The following PDE2A variants were observed in gnomAD, a reference collection of about 807,000 sequenced individuals.
PDE2A encodes cGMP-dependent 3',5'-cyclic phosphodiesterase.
A neutral mutation model predicts 133.6 loss-of-function variants in PDE2A; 53 were observed. The ratio of observed to expected loss-of-function variants is 0.40; its 90% CI spans 0.32 to 0.50. The LOEUF is 0.50. Ranked by LOEUF, PDE2A falls within the 20% of genes least tolerant of loss-of-function variation. The probability of loss-of-function intolerance (pLI) is 0.73; values close to 1 mark genes in which losing one functional copy is unlikely to be tolerated. For synonymous variants in PDE2A, 491 were observed against 490.2 expected (o/e 1.00, Z -0.02); for missense variants, 796 against 1,232.4 (o/e 0.65, Z 5.30).
At chr11:72,585,022 G>C (rs1591021041) in intron 16 of PDE2A, 78 bp from the exon 17 acceptor site, 2 of 1,450,040 alleles carry the variant, frequency 1.4e-6, no homozygotes, top group East Asian at 2.3e-5. Flanking sequence ...GGAGGCAAAG[G>C]CCGGATTTCC....
chr11:72,580,772 T>G, intron 24 of PDE2A, 114 bp downstream of exon 24: 1 of 943,798 alleles, frequency 1.1e-6, no homozygotes, highest in Non-Finnish European at 1.7e-6. Context: ...CCTCCTCCTG[T>G]GTCTAAACCT....
rs60716742 is a variant in PDE2A at position 72,596,484 on chromosome 11, TCACA to T, written c.489+105_489+108del. On this transcript the variant is annotated intron_variant, in intron 6 of 30. Transcript: ENST00000334456. ...CTCTCTCTCTCTCTCTCTCTCTCTC[TCACA>T]CACACACACACACACACACACACAC... 1,494 of 191,188 alleles carry T rather than the reference TCACA, an allele frequency of 7.8e-3. 5 individuals are homozygous for T. Among genetic ancestry groups the T allele is most frequent in the Middle Eastern group, 0.02 (30 of 1,512 alleles). 11.8% of individuals were successfully genotyped at this position (191,188 alleles called of 1,614,324 possible).
At chr11:72,596,551 G>C in intron 6 of PDE2A, 42 bp downstream of exon 6, 1 of 1,239,156 alleles carries the variant, frequency 8.1e-7, no homozygotes, top group Non-Finnish European at 1.1e-6. Flanking sequence ...TCCCTCCCAT[G>C]GTCTCCTCTC....
intron 3 of PDE2A, among the ~76,000 whole-genome samples, chr11:72,607,709 G>A (rs1857033588): frequency 6.6e-6 from 1 of 152,116 alleles, no homozygotes; most frequent in African/African-American, 2.4e-5. Context: ...GCAGATTCAG[G>A]GACAATGGGC....
intron 1 of PDE2A, among the ~76,000 whole-genome samples, chr11:72,651,088 G>A (rs1015251102): frequency 6.6e-6 from 1 of 152,128 alleles, no homozygotes; most frequent in African/African-American, 2.4e-5. Context: ...AGAACTCCCA[G>A]AGCTTCATGT....
chr11:72,579,039 G>A lies in PDE2A; in HGVS notation c.2357-30C>T, dbSNP rs562730903. ...TGAGGGGAGGATGGGGTCAAGGAGCGGGGCCCAGCCTCTTTGCCCTTCTGA... is the reference window on the plus strand; with the variant it reads ...TGAGGGGAGGATGGGGTCAAGGAGCAGGGCCCAGCCTCTTTGCCCTTCTGA... On this transcript the variant is annotated intron_variant, in intron 27 of 30. Coordinates refer to ENST00000334456, the MANE Select transcript of PDE2A (RefSeq NM_002599.5). 28 of 1,492,770 alleles carry A rather than the reference G, an allele frequency of 1.9e-5. No individual in the cohort carries two copies. The East Asian group carries it at 3.2e-4, about 17-fold the overall frequency. 92.5% of individuals were successfully genotyped at this position (1,492,770 alleles called of 1,614,324 possible). A position where few individuals can be genotyped will look rare whatever the true frequency, so the allele number is the denominator to read the frequency against.
At chr11:72,618,474 G>A (rs1167227931) in intron 2 of PDE2A, among the ~76,000 whole-genome samples, 2 of 152,162 alleles carry the variant, frequency 1.3e-5, no homozygotes, top group East Asian at 3.9e-4. Flanking sequence ...GAGCCACAGG[G>A]CCCTGGGCAG....
intron 2 of PDE2A, among the ~76,000 whole-genome samples, chr11:72,622,771 G>A (rs527798935): frequency 6.6e-6 from 1 of 152,254 alleles, no homozygotes; most frequent in African/African-American, 2.4e-5. Flanking sequence ...GAGATTGGTT[G>A]CAAAACAGTG....
intron 2 of PDE2A, among the ~76,000 whole-genome samples, chr11:72,610,422 G>C (rs987346612): frequency 6.6e-6 from 1 of 152,204 alleles, no homozygotes; most frequent in Non-Finnish European, 1.5e-5. Context: ...TCCACGCTGG[G>C]CTCTCAATGA....
intron 4 of PDE2A, among the ~76,000 whole-genome samples, chr11:72,601,338 A>C (rs185464052): frequency 1.3e-4 from 7 of 54,560 alleles, no homozygotes; most frequent in South Asian, 7.5e-4. Flanking sequence ...TCCCCTCACT[A>C]AGCCCCCCAC....
At chr11:72,579,253 A>C in intron 27 of PDE2A, 31 bp downstream of exon 27, 1 of 1,523,830 alleles carries the variant, frequency 6.6e-7, no homozygotes, top group Non-Finnish European at 9.1e-7. Context: ...GTTCCTCCCC[A>C]GCCCCAAGGA....
chr11:72,604,739 G>A (rs1189859637), intron 4 of PDE2A, among the ~76,000 whole-genome samples: 1 of 152,156 alleles, frequency 6.6e-6, no homozygotes, highest in African/African-American at 2.4e-5. Flanking sequence ...GCAAGGAGTT[G>A]GCACTGTGAG....
chr11:72,584,420 C>G (rs747112500), intron 18 of PDE2A, 107 bp from the exon 19 acceptor site: 26 of 1,273,258 alleles, frequency 2.0e-5, no homozygotes, highest in Admixed American at 7.8e-5. Context: ...TACGTACGTC[C>G]CAGGCATGGA....
chr11:72,660,985 C>G (rs1008723675), intron 1 of PDE2A, among the ~76,000 whole-genome samples: 4 of 152,084 alleles, frequency 2.6e-5, no homozygotes, highest in African/African-American at 7.2e-5. Context: ...CAGAGGGCAT[C>G]TGGCTGTGTC....
chr11:72,638,869 T>G (rs1453199715), intron 2 of PDE2A, among the ~76,000 whole-genome samples: 8 of 152,186 alleles, frequency 5.3e-5, no homozygotes, highest in Non-Finnish European at 1.5e-5. Context: ...AGCCAGACAG[T>G]GTTGCCTGGG....
At chr11:72,664,276 A>G (rs1049353650) in intron 1 of PDE2A, among the ~76,000 whole-genome samples, 1 of 151,266 alleles carries the variant, frequency 6.6e-6, no homozygotes, top group Non-Finnish European at 1.5e-5. Flanking sequence ...CCATCTCCAT[A>G]ATACTTGCTT....
chr11:72,655,043 G>A (rs1014178728), intron 1 of PDE2A, among the ~76,000 whole-genome samples: 15 of 152,192 alleles, frequency 9.9e-5, no homozygotes, highest in Non-Finnish European at 2.1e-4. Flanking sequence ...GACAGTGGGG[G>A]AATCAGGGGA....
chr11:72,647,800 A>G (rs1325791788), intron 1 of PDE2A, among the ~76,000 whole-genome samples: 1 of 152,238 alleles, frequency 6.6e-6, no homozygotes, highest in Non-Finnish European at 1.5e-5. Flanking sequence ...AAGGCTGCAC[A>G]CAGGCTTGTA....
chr11:72,655,210 A>T (rs1158911862), intron 1 of PDE2A, among the ~76,000 whole-genome samples: 1 of 151,886 alleles, frequency 6.6e-6, no homozygotes. Flanking sequence ...GTGGCGCCAC[A>T]CTCCCCTGGG....
Sources: allele counts gnomAD v4.1 joint callset (sites outside exome capture counted in the v4.1 genomes callset), GRCh38; gene constraint gnomAD v4.1.1; transcripts MANE v1.5; gene names NCBI Gene and HGNC (gene_info 2026-07-23, HGNC 2026-07-21).